Variants in IFT81 observed in about 807,000 individuals in gnomAD.
The protein encoded by IFT81 is intraflagellar transport 81.
IFT81 carries 72 observed loss-of-function variants against 102.6 expected under a neutral mutation model. That is an observed-to-expected ratio of 0.70 (90% CI 0.58 to 0.85). IFT81 has a LOEUF of 0.85. Ranked by LOEUF, IFT81 falls within the 40% of genes least tolerant of loss-of-function variation. IFT81 has a pLI of 0.00. For missense variants in IFT81, 723 were observed against 787.3 expected (o/e 0.92, Z 0.98); for synonymous variants, 237 against 242.7 (o/e 0.98, Z 0.22).
chr12:110,158,715 G>C (rs540714126), intron 10 of IFT81, among the ~76,000 whole-genome samples: 1 of 151,384 alleles, frequency 6.6e-6, no homozygotes, highest in South Asian at 2.1e-4. Flanking sequence ...TCAGCCTCCC[G>C]AGCAGCTGGG....
intron 12 of IFT81, among the ~76,000 whole-genome samples, chr12:110,182,960 G>A (rs114767480): frequency 0.026 from 4,017 of 152,208 alleles, 202 homozygotes; most frequent in African/African-American, 0.092. Flanking sequence ...TCGGTTTAAG[G>A]TGTACACCCC....
At chr12:110,143,694 T>A in intron 9 of IFT81, 149 bp downstream of exon 9, 1 of 553,724 alleles carries the variant, frequency 1.8e-6, no homozygotes, top group Non-Finnish European at 3.1e-6. Flanking sequence ...AATTGTCCTT[T>A]ATGAGGAATT....
chr12:110,177,351 C>G (rs1400398367), intron 11 of IFT81, among the ~76,000 whole-genome samples: 1 of 152,162 alleles, frequency 6.6e-6, no homozygotes, highest in Non-Finnish European at 1.5e-5. Flanking sequence ...GGCACAATCT[C>G]GGCTCACTGC....
At chr12:110,140,683 C>G (rs1894835879) in intron 8 of IFT81, among the ~76,000 whole-genome samples, 1 of 152,042 alleles carries the variant, frequency 6.6e-6, no homozygotes, top group Non-Finnish European at 1.5e-5. Context: ...GAATGACTGA[C>G]TAATTACAGT....
At chr12:110,146,631 A>G (rs1429238786) in intron 9 of IFT81, among the ~76,000 whole-genome samples, 2 of 152,198 alleles carry the variant, frequency 1.3e-5, no homozygotes, top group South Asian at 2.1e-4. Context: ...GCTCCCCATA[A>G]CATTAATGAA....
chr12:110,139,849 A>AAAT (rs1338081140), intron 8 of IFT81, among the ~76,000 whole-genome samples: 64 of 126,034 alleles, frequency 5.1e-4, no homozygotes, highest in Admixed American at 1.8e-3. Context: ...AAATAAAATA[A>AAAT]ATAAAATAAA....
At chr12:110,175,048 T>C (rs553560456) in intron 11 of IFT81, among the ~76,000 whole-genome samples, 12 of 152,356 alleles carry the variant, frequency 7.9e-5, no homozygotes, top group South Asian at 4.1e-4. Context: ...CTAATTTAGA[T>C]TACAAATGTA....
intron 14 of IFT81, 97 bp downstream of exon 14, chr12:110,192,803 G>T: frequency 1.5e-6 from 1 of 653,434 alleles, no homozygotes. Context: ...TATTTTACTT[G>T]GGTAATATAG....
chr12:110,129,480 G>T (rs1338029221), intron 4 of IFT81, among the ~76,000 whole-genome samples: 2 of 152,100 alleles, frequency 1.3e-5, no homozygotes, highest in Non-Finnish European at 2.9e-5. Flanking sequence ...CCAAATTTGA[G>T]AGAAACAGAC....
chr12:110,173,183 C>G (rs571672968), intron 11 of IFT81, among the ~76,000 whole-genome samples: 23 of 149,062 alleles, frequency 1.5e-4, no homozygotes, highest in Admixed American at 7.3e-4. Flanking sequence ...CAGCCCCCCG[C>G]CCAGCCAGCC....
intron 4 of IFT81, among the ~76,000 whole-genome samples, 181 bp downstream of exon 4, chr12:110,129,311 A>G (rs1894033186): frequency 6.6e-6 from 1 of 152,072 alleles, no homozygotes. Context: ...TTGCACACAA[A>G]TACTGTTTTA....
chr12:110,135,114 C>A, intron 6 of IFT81, 101 bp downstream of exon 6: 1 of 912,772 alleles, frequency 1.1e-6, no homozygotes, highest in South Asian at 1.6e-5. Context: ...GAGTGTACAT[C>A]TGAGGATGGA....
intron 18 of IFT81, chr12:110,216,541 G>A (rs1174975388): frequency 3.5e-5 from 15 of 432,632 alleles, no homozygotes; most frequent in African/African-American, 2.1e-4. Context: ...TTCCAGAGAC[G>A]GAATCTCACT....
At chr12:110,183,210 C>T (rs1897381974) in intron 12 of IFT81, among the ~76,000 whole-genome samples, 1 of 152,106 alleles carries the variant, frequency 6.6e-6, no homozygotes, top group South Asian at 2.1e-4. Context: ...GCTCTTAGCC[C>T]TTGGATAGTA....
chr12:110,140,542 T>TA (rs1894828066), intron 8 of IFT81, among the ~76,000 whole-genome samples: 1 of 152,194 alleles, frequency 6.6e-6, no homozygotes, highest in African/African-American at 2.4e-5. Flanking sequence ...TTTAAATCTT[T>TA]AAAAACATTT....
intron 10 of IFT81, among the ~76,000 whole-genome samples, chr12:110,148,675 A>G (rs1422742061): frequency 1.3e-5 from 2 of 152,078 alleles, no homozygotes; most frequent in East Asian, 3.9e-4. Flanking sequence ...GGGTTTCACC[A>G]TCTTGGCCAG....
intron 18 of IFT81, among the ~76,000 whole-genome samples, chr12:110,212,644 C>T (rs916949655): frequency 3.9e-5 from 6 of 151,980 alleles, no homozygotes; most frequent in Non-Finnish European, 8.8e-5. Flanking sequence ...CAAGACCAGC[C>T]TGGCCAACAT....
In IFT81 at chr12:110,217,353, T is replaced by C. The variant is rs922748255; in HGVS notation, c.1849-691T>C. 2.0e-5 allele frequency among the ~76,000 whole-genome samples: 3 copies of C among 152,012 alleles called. No individual in the cohort carries two copies. The South Asian group carries it at 6.2e-4, about 32-fold the overall frequency. On this transcript the variant is annotated intron_variant, in intron 18 of 18. Coordinates refer to ENST00000242591, the MANE Select transcript of IFT81 (RefSeq NM_014055.4). The stretch of plus-strand genomic sequence containing the variant: ...AGCCACCATGCCTGGTCTATTAACC[T>C]TAATTGATAATTGAGAAAACTGAAG...
chr12:110,137,150 G>A (rs1894563107), intron 8 of IFT81, among the ~76,000 whole-genome samples: 1 of 152,170 alleles, frequency 6.6e-6, no homozygotes, highest in Non-Finnish European at 1.5e-5. Context: ...GACCAGCCTA[G>A]CCAACATGGC....
Sources: allele counts gnomAD v4.1 joint callset (sites outside exome capture counted in the v4.1 genomes callset), GRCh38; gene constraint gnomAD v4.1.1; transcripts MANE v1.5; gene names NCBI Gene and HGNC (gene_info 2026-07-23, HGNC 2026-07-21).